CNTNAP5: variants seen among roughly 807,000 people sequenced by gnomAD.
CNTNAP5 encodes the protein contactin associated protein family member 5.
CNTNAP5 carries 72 observed loss-of-function variants against 150.2 expected under a neutral mutation model. The ratio of observed to expected loss-of-function variants is 0.48; its 90% CI spans 0.40 to 0.58. The LOEUF is 0.58. CNTNAP5 is among the 20% of genes least tolerant of loss of function. The probability of loss-of-function intolerance (pLI) is 0.00; values close to 1 mark genes in which losing one functional copy is unlikely to be tolerated. For missense variants in CNTNAP5, 1,636 were observed against 1,626.2 expected (o/e 1.01, Z -0.10); for synonymous variants, 672 against 619.8 (o/e 1.08, Z -1.25).
intron 12 of CNTNAP5, among the ~76,000 whole-genome samples, chr2:124,634,684 G>A (rs1448907670): frequency 6.6e-6 from 1 of 151,570 alleles, no homozygotes; most frequent in Admixed American, 6.6e-5. Flanking sequence ...ATTTTTTTTT[G>A]ATAGAGATGG....
chr2:124,600,709 C>T (rs1006404095), intron 11 of CNTNAP5, among the ~76,000 whole-genome samples: 2 of 147,606 alleles, frequency 1.4e-5, no homozygotes, highest in African/African-American at 5.0e-5. Flanking sequence ...CACAAAAACC[C>T]CCAAAATACA....
chr2:124,677,780 T>C lies in CNTNAP5; in HGVS notation c.2077+29822T>C, dbSNP rs917919544. Among the ~76,000 whole-genome samples, 56 of 151,986 alleles carry C rather than the reference T, an allele frequency of 3.7e-4. 1 individual carries two copies. Among genetic ancestry groups the C allele is most frequent in the Admixed American group, 2.7e-4 (4 of 15,012 alleles). ...CTTTAGCTAGACACAGAGTGCTGATTGGTGCGTTTACAATCCTCTAGCTAG... is the reference window on the plus strand; with the variant it reads ...CTTTAGCTAGACACAGAGTGCTGATCGGTGCGTTTACAATCCTCTAGCTAG... On this transcript the variant is annotated intron_variant, in intron 13 of 23. Transcript: ENST00000682447.
chr2:124,215,828 G>GA (rs1438639104), intron 1 of CNTNAP5, among the ~76,000 whole-genome samples: 1 of 151,256 alleles, frequency 6.6e-6, no homozygotes, highest in African/African-American at 2.4e-5. Context: ...TCACTTCGCA[G>GA]AAAAAAGATC....
At chr2:124,473,067 A>G (rs1292067127) in intron 6 of CNTNAP5, among the ~76,000 whole-genome samples, 1 of 152,056 alleles carries the variant, frequency 6.6e-6, no homozygotes, top group Non-Finnish European at 1.5e-5. Flanking sequence ...CAGCAATAAG[A>G]TGAGCACAGC....
At chr2:124,888,826 T>C (rs1678134027) in intron 21 of CNTNAP5, among the ~76,000 whole-genome samples, 1 of 152,108 alleles carries the variant, frequency 6.6e-6, no homozygotes, top group Non-Finnish European at 1.5e-5. Flanking sequence ...AAGTTTCTTA[T>C]AAATTCTGAA....
intron 3 of CNTNAP5, among the ~76,000 whole-genome samples, chr2:124,283,917 A>G (rs1170588): frequency 1 from 152,192 of 152,284 alleles, 76,050 homozygotes; most frequent in Non-Finnish European, 1. Flanking sequence ...TGCACCTCCC[A>G]GTGTTACTGC....
intron 19 of CNTNAP5, among the ~76,000 whole-genome samples, chr2:124,854,021 G>T (rs774049209): frequency 3.3e-5 from 5 of 152,134 alleles, no homozygotes; most frequent in Non-Finnish European, 7.4e-5. Context: ...GTATTTCATG[G>T]TGTCTATATA....
At chr2:124,691,008 C>A (rs957535862) in intron 13 of CNTNAP5, among the ~76,000 whole-genome samples, 1 of 152,066 alleles carries the variant, frequency 6.6e-6, no homozygotes, top group African/African-American at 2.4e-5. Context: ...TTACACAATA[C>A]AGAAGCCTTC....
At chr2:124,768,431 G>C (rs1573604462) in intron 16 of CNTNAP5, among the ~76,000 whole-genome samples, 1 of 151,824 alleles carries the variant, frequency 6.6e-6, no homozygotes, top group South Asian at 2.1e-4. Context: ...ATGTTAACTT[G>C]GACACACTAT....
intron 19 of CNTNAP5, among the ~76,000 whole-genome samples, chr2:124,842,898 T>A (rs1682972676): frequency 6.6e-6 from 1 of 151,394 alleles, no homozygotes; most frequent in Admixed American, 6.6e-5. Flanking sequence ...ATTCTCTCTC[T>A]TTTTAATTTT....
At chr2:124,509,974 G>T (rs1480100074) in intron 8 of CNTNAP5, among the ~76,000 whole-genome samples, 1 of 152,078 alleles carries the variant, frequency 6.6e-6, no homozygotes, top group Non-Finnish European at 1.5e-5. Context: ...GGCTGAGGCG[G>T]GTGGATTGCT....
chr2:124,685,757 T>TGC (rs1214119249), intron 13 of CNTNAP5, among the ~76,000 whole-genome samples: 29 of 127,336 alleles, frequency 2.3e-4, no homozygotes, highest in African/African-American at 4.8e-4. Context: ...TGTGTGTGTG[T>TGC]GTGTGCGCGC....
chr2:124,598,915 G>T (rs1003852561), intron 11 of CNTNAP5, among the ~76,000 whole-genome samples: 12 of 152,008 alleles, frequency 7.9e-5, no homozygotes, highest in South Asian at 2.1e-4. Flanking sequence ...TTCCAGGTGC[G>T]TCCGTCACCC....
In CNTNAP5 at chr2:124,747,369, G is replaced by T; in HGVS notation, c.2218G>T (p.Ala740Ser). 6.2e-7 allele frequency: 1 copy of T among 1,613,766 alleles called. No individual in the cohort carries two copies. Among genetic ancestry groups the T allele is most frequent in the South Asian group, 1.1e-5 (1 of 91,082 alleles). Residue 740 changes from alanine to serine, a missense_variant, in exon 14 of 24, where the codon GCT (alanine) becomes TCT (serine). Coordinates refer to ENST00000682447, the MANE Select transcript of CNTNAP5 (RefSeq NM_001367498.1). The stretch of plus-strand genomic sequence containing the variant: ...CATTCAGCACTTTTGCAATTGCGAC[G>T]CTGACAAGGATGAATGGTAATGAGA... ...LDIQHFCNCD[A>S]DKDEWTNDTG...
intron 3 of CNTNAP5, among the ~76,000 whole-genome samples, chr2:124,376,438 G>A (rs532495084): frequency 1.3e-3 from 194 of 152,164 alleles, no homozygotes; most frequent in Non-Finnish European, 2.0e-3. Context: ...AGGTATTCAG[G>A]AAGAATAGAA....
intron 3 of CNTNAP5, among the ~76,000 whole-genome samples, chr2:124,334,484 C>T (rs112595447): frequency 8.5e-5 from 13 of 152,150 alleles, no homozygotes; most frequent in African/African-American, 3.1e-4. Flanking sequence ...AACAAGGATT[C>T]AGAAAGAGGA....
intron 2 of CNTNAP5, among the ~76,000 whole-genome samples, chr2:124,234,856 A>G (rs1005951827): frequency 2.6e-5 from 4 of 152,120 alleles, no homozygotes; most frequent in African/African-American, 9.7e-5. Context: ...CAGCTTTCTC[A>G]CTATAGACAC....
chr2:124,340,831 G>A (rs969895934), intron 3 of CNTNAP5, among the ~76,000 whole-genome samples: 2 of 137,730 alleles, frequency 1.5e-5, no homozygotes, highest in South Asian at 2.2e-4. Context: ...ATATATATGC[G>A]TGTGCGTGTG....
At position 124,869,683 on chromosome 2, in the gene CNTNAP5, G is replaced by A; in HGVS notation, c.3357G>A (p.Gln1119=). ...TTTCTGTTTTCCTGCAGATGGACCA[G>A]CAACTTCGACTCAGTTATAACTTCT... The part of the protein sequence containing the change: ...EGRELTIQMD[Q]QLRLSYNFSP... The change falls in exon 21 of 24, where the codon CAG becomes CAA. Residue 1119 remains glutamine, a synonymous_variant. Transcript: ENST00000682447. 1 of 1,610,484 alleles carries A rather than the reference G, an allele frequency of 6.2e-7. No individual in the cohort carries two copies. Among genetic ancestry groups the A allele is most frequent in the Admixed American group, 1.7e-5 (1 of 59,836 alleles).
Sources: gnomAD v4.1 joint callset for allele counts (sites outside exome capture counted in the v4.1 genomes callset) on GRCh38, gnomAD v4.1.1 for gene constraint, MANE v1.5 for transcripts, NCBI Gene and HGNC (gene_info 2026-07-23, HGNC 2026-07-21) for gene names.